Variants in DDX24 observed in about 807,000 individuals in gnomAD.
The protein encoded by DDX24 is DEAD-box helicase 24, also known as ATP-dependent RNA helicase DDX24.
Under a neutral mutation model 68.9 loss-of-function variants are expected in DDX24, and 24 were observed. The observed-to-expected ratio is 0.35, with a 90% confidence interval of 0.25 to 0.49. The LOEUF is 0.49. Ranked by LOEUF, DDX24 falls within the 20% of genes least tolerant of loss-of-function variation. The probability of loss-of-function intolerance (pLI) is 0.99; values close to 1 mark genes in which losing one functional copy is unlikely to be tolerated. For missense variants in DDX24, 989 were observed against 1,039.0 expected, an observed-to-expected ratio of 0.95 and a Z score of 0.66; for synonymous variants, 395 against 385.2, an observed-to-expected ratio of 1.03 and a Z score of -0.30.
At chr14:94,078,199 T>C (rs956190785) in intron 2 of DDX24, among the ~76,000 whole-genome samples, 5 of 152,218 alleles carry the variant, frequency 3.3e-5, no homozygotes, top group Non-Finnish European at 7.3e-5. Flanking sequence ...AGGTTATATG[T>C]AAGCACTACA....
At chr14:94,061,172 G>A (rs751229356) in intron 3 of DDX24, 106 bp from the exon 4 acceptor site, 20 of 1,332,862 alleles carry the variant, frequency 1.5e-5, no homozygotes, top group Non-Finnish European at 1.8e-5. Flanking sequence ...TCAGCACAGT[G>A]TAATGCCCTA....
Position 94,060,110 on chromosome 14 carries a change from G to A in DDX24, c.1901C>T (p.Ala634Val), listed in dbSNP as rs377405012. The change falls in exon 5 of 9, where the codon GCC (alanine) becomes GTC (valine). Residue 634 changes from alanine (A) to valine (V), a missense_variant. Ala to Val is a moderately conservative substitution (Grantham distance 64). Transcript: ENST00000621632. ...AGTCCTAACTTACTCTTCCAGACGG[G>A]CAAACTGCTCCAGGTTTCTGAGCCT... is the stretch of plus-strand genomic sequence containing the variant. ...KQRLRNLEQF[A>V]RLEDCVLLAT... The A allele has an allele frequency of 2.5e-6, 4 of 1,612,120 alleles. No homozygotes were observed. In the Admixed American group the frequency reaches 6.7e-5, roughly 27 times the overall value.
intron 6 of DDX24, chr14:94,056,542 C>T (rs566810693): frequency 4.6e-5 from 7 of 152,356 alleles, no homozygotes; most frequent in African/African-American, 1.7e-4. Context: ...CCCTGTACCT[C>T]AGCCTATACA....
intron 2 of DDX24, among the ~76,000 whole-genome samples, chr14:94,067,613 C>T (rs1885730634): frequency 6.6e-6 from 1 of 152,098 alleles, no homozygotes; most frequent in Non-Finnish European, 1.5e-5. Flanking sequence ...TAAAGGAAAA[C>T]CTATCAGATT....
intron 2 of DDX24, among the ~76,000 whole-genome samples, chr14:94,068,230 C>G (rs542929938): frequency 5.1e-4 from 78 of 152,150 alleles, no homozygotes; most frequent in Non-Finnish European, 8.7e-4. Context: ...TCAGACAAAA[C>G]AAACTTTAAA....
chr14:94,078,287 T>A (rs1367484746), intron 2 of DDX24, among the ~76,000 whole-genome samples: 1 of 152,236 alleles, frequency 6.6e-6, no homozygotes, highest in Non-Finnish European at 1.5e-5. Flanking sequence ...TCCATGGATA[T>A]CAAGAGATGA....
chr14:94,073,501 C>T (rs1017958169), intron 2 of DDX24, among the ~76,000 whole-genome samples: 7 of 152,040 alleles, frequency 4.6e-5, no homozygotes, highest in Non-Finnish European at 8.8e-5. Flanking sequence ...TATTGAAAAA[C>T]ACATACCATG....
At chr14:94,059,710 T>G (rs562165630) in intron 5 of DDX24, among the ~76,000 whole-genome samples, 1 of 152,288 alleles carries the variant, frequency 6.6e-6, no homozygotes, top group South Asian at 2.1e-4. Context: ...AACTAGGATT[T>G]GATTTCAGGC....
At chr14:94,072,676 A>G (rs576135581) in intron 2 of DDX24, among the ~76,000 whole-genome samples, 6 of 152,214 alleles carry the variant, frequency 3.9e-5, no homozygotes, top group African/African-American at 1.4e-4. Flanking sequence ...CTAAAAATGC[A>G]AAAAGTAGCC....
chr14:94,060,766 T>C (rs1052034191), intron 4 of DDX24, 147 bp downstream of exon 4: 5 of 1,458,766 alleles, frequency 3.4e-6, no homozygotes, highest in African/African-American at 1.4e-5. Context: ...ATCTCCCTCA[T>C]GCACTCTTGG....
At position 94,071,422 on chromosome 14, in the gene DDX24, G is replaced by A. The variant is rs148775186; in HGVS notation, c.718+7603C>T. Reference sequence around the variant, plus strand: ...CCAGCACTTCCGGAGGTTGAGGTGGGCAGATCACCTGAGGTCAGGAGTTCA... The same window carrying A: ...CCAGCACTTCCGGAGGTTGAGGTGGACAGATCACCTGAGGTCAGGAGTTCA... On this transcript the variant is annotated intron_variant, in intron 2 of 8. Coordinates refer to ENST00000621632, the MANE Select transcript of DDX24 (RefSeq NM_020414.4). Among the ~76,000 whole-genome samples the A allele has an allele frequency of 5.5e-4, 84 of 152,306 alleles. 2 individuals are homozygous for A. The highest frequency in any genetic ancestry group is 2.0e-3 in the African/African-American group (83 of 41,570).
intron 2 of DDX24, among the ~76,000 whole-genome samples, chr14:94,078,219 A>G (rs1028357204): frequency 2.0e-5 from 3 of 152,210 alleles, no homozygotes; most frequent in African/African-American, 7.2e-5. Flanking sequence ...ACCATTTTAT[A>G]TCAGAGACTT....
chr14:94,061,954 T>C (rs1303015139), intron 3 of DDX24, 143 bp downstream of exon 3: 42 of 947,928 alleles, frequency 4.4e-5, no homozygotes, highest in Admixed American at 8.9e-5. Flanking sequence ...TGTCACTATA[T>C]CAATTTTCTG....
chr14:94,071,881 GT>G (rs1381119485), intron 2 of DDX24, among the ~76,000 whole-genome samples: 1 of 152,078 alleles, frequency 6.6e-6, no homozygotes, highest in Admixed American at 6.6e-5. Context: ...GGAGGCAGAG[GT>G]TGCAGTGAGC....
chr14:94,061,692 T>C (rs151163065), intron 3 of DDX24, among the ~76,000 whole-genome samples: 126 of 152,326 alleles, frequency 8.3e-4, no homozygotes, highest in African/African-American at 2.9e-3. Flanking sequence ...GGGTCACTAG[T>C]GAACATTACT....
At chr14:94,069,235 C>T (rs894201582) in intron 2 of DDX24, among the ~76,000 whole-genome samples, 11 of 152,046 alleles carry the variant, frequency 7.2e-5, no homozygotes, top group African/African-American at 2.7e-4. Context: ...CTACTATGAA[C>T]ACCTTTACAC....
intron 5 of DDX24, among the ~76,000 whole-genome samples, chr14:94,058,646 T>C (rs947760025): frequency 3.9e-5 from 6 of 152,128 alleles, no homozygotes; most frequent in African/African-American, 4.8e-5. Context: ...AATGTGTGGT[T>C]CATGGAAAGT....
intron 2 of DDX24, among the ~76,000 whole-genome samples, chr14:94,073,086 C>CTT (rs10716706): frequency 0.05 from 6,259 of 125,620 alleles, 524 homozygotes; most frequent in African/African-American, 0.17. Context: ...ATTTTCTTTT[C>CTT]TTTTTTTTTT....
intron 2 of DDX24, among the ~76,000 whole-genome samples, chr14:94,064,277 T>C (rs1334822154): frequency 6.6e-6 from 1 of 152,270 alleles, no homozygotes; most frequent in East Asian, 1.9e-4. Context: ...GCCTTGTAAC[T>C]TTCTCAGTGA....
Sources: allele counts gnomAD v4.1 joint callset (sites outside exome capture counted in the v4.1 genomes callset), GRCh38; gene constraint gnomAD v4.1.1; transcripts MANE v1.5; gene names NCBI Gene and HGNC (gene_info 2026-07-23, HGNC 2026-07-21).